YIF1B: variants seen among roughly 807,000 people sequenced by gnomAD.
YIF1B encodes the protein protein YIF1B.
YIF1B carries 24 observed loss-of-function variants against 34.6 expected under a neutral mutation model. The observed-to-expected ratio is 0.69, with a 90% CI of 0.50 to 0.98. YIF1B has a LOEUF of 0.98. YIF1B is among the 50% of genes least tolerant of loss of function. YIF1B has a pLI of 0.00. For missense variants in YIF1B, 368 were observed against 429.4 expected, an observed-to-expected ratio of 0.86 and a Z score of 1.26; for synonymous variants, 186 against 184.8, an observed-to-expected ratio of 1.01 and a Z score of -0.05.
chr19:38,311,472 A>T (rs1969324581), intron 1 of YIF1B, among the ~76,000 whole-genome samples: 1 of 152,216 alleles, frequency 6.6e-6, no homozygotes, highest in African/African-American at 2.4e-5. Flanking sequence ...AACTCATCTC[A>T]TCTTCACAAC....
At chr19:38,307,828 T>A in intron 5 of YIF1B, 76 bp from the exon 6 acceptor site, 1 of 1,565,548 alleles carries the variant, frequency 6.4e-7, no homozygotes, top group Non-Finnish European at 8.7e-7. Context: ...GGGACAGCTC[T>A]GTGTTGGGTA....
chr19:38,304,932 G>GAGAAGGGCAAGA lies in YIF1B; in HGVS notation c.*408_*419dup, dbSNP rs1568350755. ...GAAGAAGAAGGAGAAGGGCAAGAAGGAGAAGGGCAAGAAGAAGGAGGCTCC... is the reference window on the plus strand; with the variant it reads ...GAAGAAGAAGGAGAAGGGCAAGAAGGAGAAGGGCAAGAAGAAGGGCAAGAAGAAGGAGGCTCC... On this transcript the variant is annotated 3_prime_UTR_variant, in exon 8 of 8. Coordinates refer to ENST00000339413, the MANE Select transcript of YIF1B (RefSeq NM_001039672.3). The GAGAAGGGCAAGA allele has an allele frequency of 1.2e-6, 2 of 1,611,698 alleles. No individual in the cohort carries two copies. The highest frequency in any genetic ancestry group is 2.2e-5 in the East Asian group (1 of 44,768).
intron 1 of YIF1B, 159 bp downstream of exon 1, chr19:38,315,701 C>A (rs189665578): frequency 4.4e-6 from 7 of 1,607,512 alleles, no homozygotes; most frequent in African/African-American, 1.3e-5. Context: ...GAATCGCCCC[C>A]CAAGGGGCCT....
At position 38,305,499 on chromosome 19, in the gene YIF1B, C is replaced by T. The variant is rs1968972745; in HGVS notation, c.798G>A (p.Thr266=). The T allele has an allele frequency of 1.2e-6, 2 of 1,603,138 alleles. No individual in the cohort carries two copies. Among genetic ancestry groups the T allele is most frequent in the Non-Finnish European group, 1.7e-6 (2 of 1,172,500 alleles). ...CGTCTGCCAAGATCTTCAGCCGCAG[C>T]GTCCGGATCTGGGTGGGAAAGAGAG... ...CVAIFVFMIR[T]LRLKILADAA... The change falls in exon 8 of 8, where the codon ACG becomes ACA. Residue 266 remains threonine, a synonymous_variant. Transcript: ENST00000339413.
chr19:38,319,737 C>T, upstream of YIF1B: 1 of 518,198 alleles, frequency 1.9e-6, no homozygotes, highest in South Asian at 3.2e-5. Context: ...CCACCCTCTC[C>T]GAACGAACAC....
chr19:38,321,413 T>C (rs1034539373), upstream of YIF1B, among the ~76,000 whole-genome samples: 2 of 152,078 alleles, frequency 1.3e-5, no homozygotes, highest in African/African-American at 4.8e-5. Flanking sequence ...TTCCTCCCAA[T>C]AGGGACACCA....
rs1968954767 is a variant in YIF1B at position 38,305,275 on chromosome 19, T to C, written c.*77A>G. 5 of 1,538,848 alleles carry C rather than the reference T, an allele frequency of 3.2e-6. No individual in the cohort carries two copies. The South Asian group carries it at 4.9e-5, about 15-fold the overall frequency. On this transcript the variant is annotated 3_prime_UTR_variant, in exon 8 of 8. Coordinates refer to ENST00000339413, the MANE Select transcript of YIF1B (RefSeq NM_001039672.3). ...GCCAGACAGGGTGGACCTTGGGGCC[T>C]GCAGGCAGGAGATGAGTTCGGCGGC...
At chr19:38,310,496 C>T (rs1969285786) in intron 1 of YIF1B, among the ~76,000 whole-genome samples, 1 of 151,994 alleles carries the variant, frequency 6.6e-6, no homozygotes, top group Non-Finnish European at 1.5e-5. Flanking sequence ...CATCATCCAT[C>T]CATCTAACCA....
In YIF1B at chr19:38,304,464, G is replaced by C; in HGVS notation, c.*888C>G. The C allele has an allele frequency of 2.6e-6, 4 of 1,556,314 alleles. No homozygotes were observed. Among genetic ancestry groups the C allele is most frequent in the Non-Finnish European group, 3.5e-6 (4 of 1,150,460 alleles). ...TCCCCACAAAGTTCAGGGCCGGTCG[G>C]AGGCAGGGGCAGGTCCGGGTCCAAA... On this transcript the variant is annotated 3_prime_UTR_variant, in exon 8 of 8. Transcript: ENST00000339413.
chr19:38,321,125 C>T (rs1168909276), upstream of YIF1B, among the ~76,000 whole-genome samples: 1 of 152,228 alleles, frequency 6.6e-6, no homozygotes, highest in African/African-American at 2.4e-5. Context: ...CAACCTCCTC[C>T]TGACCCTGGC....
chr19:38,313,506 G>A (rs1223376057), intron 1 of YIF1B, among the ~76,000 whole-genome samples: 4 of 152,018 alleles, frequency 2.6e-5, no homozygotes, highest in African/African-American at 4.8e-5. Context: ...TGATCCGCCC[G>A]CCTCGGCCTC....
At chr19:38,311,361 G>A (rs1969320530) in intron 1 of YIF1B, among the ~76,000 whole-genome samples, 1 of 152,020 alleles carries the variant, frequency 6.6e-6, no homozygotes, top group South Asian at 2.1e-4. Flanking sequence ...CCAAGGCCCA[G>A]ACAGCTAAAA....
At position 38,304,284 on chromosome 19, in the gene YIF1B, G is replaced by C; in HGVS notation, c.*1068C>G. 1 of 1,613,764 alleles carries C rather than the reference G, an allele frequency of 6.2e-7. No homozygotes were observed. The highest frequency in any genetic ancestry group is 8.5e-7 in the Non-Finnish European group (1 of 1,180,032). On this transcript the variant is annotated 3_prime_UTR_variant, in exon 8 of 8. Transcript: ENST00000339413. Reference sequence around the variant, plus strand: ...GCCATGGAGTTCGACCTGGGAGCAGGTGAGCTCCTGGGGAGTGTGGACTGG... The same window carrying C: ...GCCATGGAGTTCGACCTGGGAGCAGCTGAGCTCCTGGGGAGTGTGGACTGG...
At chr19:38,319,703 T>G (rs763093043), upstream of YIF1B, 16 of 461,920 alleles carry the variant, frequency 3.5e-5, no homozygotes, top group Non-Finnish European at 4.9e-5. Context: ...CCCGTTGGTC[T>G]GCTGGGTCTG....
intron 1 of YIF1B, among the ~76,000 whole-genome samples, chr19:38,313,262 C>CTTT (rs771234619): frequency 1.9e-5 from 2 of 107,366 alleles, no homozygotes; most frequent in Non-Finnish European, 3.8e-5. Context: ...CCAGAGTGAT[C>CTTT]TTTTTTTTTT....
intron 1 of YIF1B, 175 bp downstream of exon 1, chr19:38,315,685 C>T (rs1969517576): frequency 6.2e-7 from 1 of 1,601,754 alleles, no homozygotes; most frequent in Non-Finnish European, 8.5e-7. Context: ...AAAGGAATTT[C>T]CTAAAGAATC....
chr19:38,310,233 C>A (rs1290876351), intron 1 of YIF1B, among the ~76,000 whole-genome samples: 1 of 144,110 alleles, frequency 6.9e-6, no homozygotes, highest in East Asian at 2.3e-4. Flanking sequence ...TCCATCCATC[C>A]ACCACCCATC....
Position 38,304,769 on chromosome 19 carries a change from G to T in YIF1B, c.*583C>A. 2 of 1,612,072 alleles carry T rather than the reference G, an allele frequency of 1.2e-6. No individual in the cohort carries two copies. Among genetic ancestry groups the T allele is most frequent in the Non-Finnish European group, 1.7e-6 (2 of 1,178,830 alleles). On this transcript the variant is annotated 3_prime_UTR_variant, in exon 8 of 8. Transcript: ENST00000339413. ...CCGCACTGGGGCTGGCGGGGAGGGT[G>T]CGGGGAGTGGTCCCCCTGTCTCGCT...
chr19:38,320,403 A>T, upstream of YIF1B: 1 of 996,666 alleles, frequency 1.0e-6, no homozygotes, highest in Non-Finnish European at 1.4e-6. Context: ...CCCCGAAAAG[A>T]CCCCAGTGAG....
Sources: gnomAD v4.1 joint callset for allele counts (sites outside exome capture counted in the v4.1 genomes callset) on GRCh38, gnomAD v4.1.1 for gene constraint, MANE v1.5 for transcripts, NCBI Gene and HGNC (gene_info 2026-07-23, HGNC 2026-07-21) for gene names.